KIF21A: variants seen among roughly 807,000 people sequenced by gnomAD.
KIF21A encodes the protein kinesin family member 21A, also known as kinesin-like protein KIF21A.
A neutral mutation model predicts 202.9 loss-of-function variants in KIF21A; 114 were observed. The ratio of observed to expected loss-of-function variants is 0.56; its 90% CI spans 0.48 to 0.66. KIF21A has a LOEUF of 0.66. KIF21A is among the 30% of genes least tolerant of loss of function. KIF21A has a pLI of 0.00. For synonymous variants in KIF21A, 667 were observed against 670.8 expected (o/e 0.99, Z 0.09); for missense variants, 1,677 against 1,994.9 (o/e 0.84, Z 3.04).
rs142940823 is a variant in KIF21A, at chr12:39,301,746, T to C, written c.4732-67A>G. The C allele has an allele frequency of 1.1e-4, 145 of 1,366,052 alleles. No individual in the cohort carries two copies. In the East Asian group the frequency reaches 3.3e-3, roughly 31 times the overall value. 84.6% of individuals were successfully genotyped at this position (1,366,052 alleles called of 1,614,324 possible). ...CCAAACTGACATTTTCACATGAAAA[T>C]AAACTGAAAAACATTTTATTGCCAA... is the stretch of plus-strand genomic sequence containing the variant. On this transcript the variant is annotated intron_variant, in intron 36 of 37. Transcript: ENST00000361418.
intron 24 of KIF21A, among the ~76,000 whole-genome samples, 189 bp from the exon 25 acceptor site, chr12:39,326,513 A>T (rs2137922829): frequency 6.6e-6 from 1 of 152,352 alleles, no homozygotes; most frequent in East Asian, 1.9e-4. Context: ...TGTGTGTTCT[A>T]GAATGAGTAA....
intron 1 of KIF21A, among the ~76,000 whole-genome samples, chr12:39,401,706 G>A (rs982104731): frequency 6.6e-6 from 1 of 152,140 alleles, no homozygotes; most frequent in African/African-American, 2.4e-5. Context: ...ATGTCTTCAT[G>A]AGAAGTGTTT....
chr12:39,298,487 T>C (rs1942636052), intron 37 of KIF21A, among the ~76,000 whole-genome samples: 2 of 152,026 alleles, frequency 1.3e-5, no homozygotes, highest in South Asian at 4.1e-4. Flanking sequence ...AGTAGAGAGA[T>C]ACCACTGAAC....
At chr12:39,392,875 T>A (rs1951472034) in intron 1 of KIF21A, among the ~76,000 whole-genome samples, 1 of 138,068 alleles carries the variant, frequency 7.2e-6, no homozygotes, top group Non-Finnish European at 1.6e-5. Context: ...AAAAGAAATT[T>A]TAAAAGAAAA....
intron 1 of KIF21A, among the ~76,000 whole-genome samples, chr12:39,437,848 C>T (rs921073617): frequency 6.6e-6 from 1 of 152,150 alleles, no homozygotes; most frequent in African/African-American, 2.4e-5. Context: ...ACCAAATAAC[C>T]ATCTATTTCC....
At chr12:39,328,108 T>A (rs2137983446) in intron 24 of KIF21A, among the ~76,000 whole-genome samples, 1 of 152,300 alleles carries the variant, frequency 6.6e-6, no homozygotes. Context: ...AAAACTGGAC[T>A]TTGGCTGACA....
chr12:39,370,076 A>T lies in KIF21A; in HGVS notation c.230T>A (p.Phe77Tyr). ...AAAAACTGTAGCATTGTATCCTTCA[A>T]AGCAACCTTCAATTAGTTTTTCTAT... ...QCIEKLIEGC[F>Y]EGYNATVFAY... Residue 77 changes from phenylalanine to tyrosine, a missense_variant, in exon 2 of 38, where the codon TTT becomes TAT. By Grantham distance (22) the Phe-to-Tyr change is conservative. This residue lies in a region of KIF21A where 966 missense variants were observed against 1,180.9 expected (regional missense o/e 0.82). Coordinates refer to ENST00000361418, the MANE Select transcript of KIF21A (RefSeq NM_001173464.2). 1.2e-6 allele frequency: 2 copies of T among 1,613,896 alleles called. No individual in the cohort carries two copies. The highest frequency in any genetic ancestry group is 1.7e-6 in the Non-Finnish European group (2 of 1,179,864).
intron 1 of KIF21A, among the ~76,000 whole-genome samples, chr12:39,416,822 T>C (rs1953778329): frequency 7.0e-6 from 1 of 142,970 alleles, no homozygotes; most frequent in Non-Finnish European, 1.5e-5. Flanking sequence ...TGTGTATATA[T>C]GTACATATAT....
chr12:39,341,701 G>A lies in KIF21A; in HGVS notation c.1804-79C>T, dbSNP rs551495944. The A allele has an allele frequency of 3.7e-5, 53 of 1,430,480 alleles. No homozygotes were observed. In the African/African-American group the frequency reaches 6.4e-4, roughly 17 times the overall value. The allele number at this position is 1,430,480 out of a possible 1,614,324, so 88.6% of individuals were successfully genotyped here. Reference sequence around the variant, plus strand: ...TCCCTCATTGAGAGAGGCTGCTGGAGTACAAAGTACGGAAACATAAAAAAA... The same window carrying A: ...TCCCTCATTGAGAGAGGCTGCTGGAATACAAAGTACGGAAACATAAAAAAA... On this transcript the variant is annotated intron_variant, in intron 13 of 37. Coordinates refer to ENST00000361418, the MANE Select transcript of KIF21A (RefSeq NM_001173464.2).
intron 33 of KIF21A, among the ~76,000 whole-genome samples, chr12:39,308,964 C>T (rs756676986): frequency 6.6e-5 from 10 of 152,066 alleles, no homozygotes; most frequent in Non-Finnish European, 1.0e-4. Context: ...ACCGAGTTTA[C>T]GTCAATTTTG....
intron 1 of KIF21A, among the ~76,000 whole-genome samples, chr12:39,433,436 A>G (rs1486267051): frequency 6.6e-6 from 1 of 152,168 alleles, no homozygotes; most frequent in Non-Finnish European, 1.5e-5. Context: ...TACTCAGTTT[A>G]CCCCTTACAG....
At chr12:39,295,741 C>T (rs1005400560) in intron 37 of KIF21A, among the ~76,000 whole-genome samples, 2 of 134,874 alleles carry the variant, frequency 1.5e-5, no homozygotes, top group African/African-American at 5.7e-5. Context: ...GCTCTGTTGC[C>T]AGGCTGGAAT....
At chr12:39,325,351 A>T (rs1231585532) in intron 26 of KIF21A, among the ~76,000 whole-genome samples, 2 of 133,418 alleles carry the variant, frequency 1.5e-5, no homozygotes, top group East Asian at 4.5e-4. Flanking sequence ...TTTTTTTTTG[A>T]GACGGAGTCT....
Position 39,369,785 on chromosome 12 carries a change from C to T in KIF21A, c.394G>A (p.Ala132Thr). The T allele has an allele frequency of 1.2e-6, 2 of 1,613,120 alleles. No homozygotes were observed. Among genetic ancestry groups the T allele is most frequent in the East Asian group, 2.2e-5 (1 of 44,780 alleles). ...GGAGCAGGAAGCCCATTTTTAATTG[C>T]TATGTGTTTTTTTTCTTCAATACTC... is the stretch of plus-strand genomic sequence containing the variant. ...FKSIEEKKHI[A>T]IKNGLPAPDF... Residue 132 changes from alanine (A) to threonine (T), a missense_variant, in exon 3 of 38, where the codon GCA becomes ACA. Ala to Thr is a moderately conservative substitution (Grantham distance 58, BLOSUM62 0). Coordinates refer to ENST00000361418, the MANE Select transcript of KIF21A (RefSeq NM_001173464.2).
intron 32 of KIF21A, 109 bp downstream of exon 32, chr12:39,311,308 C>A: frequency 1.0e-6 from 1 of 997,740 alleles, no homozygotes; most frequent in Non-Finnish European, 1.5e-6. Context: ...CCAGATTATC[C>A]GATTCTTTCT....
chr12:39,404,252 C>T (rs539152242), intron 1 of KIF21A, among the ~76,000 whole-genome samples: 1 of 152,230 alleles, frequency 6.6e-6, no homozygotes, highest in Admixed American at 6.5e-5. Context: ...GCATGCGTTG[C>T]CATGCCTAGG....
At position 39,331,726 on chromosome 12, in the gene KIF21A, G is replaced by C; in HGVS notation, c.3117C>G (p.Tyr1039Ter). 1 of 1,613,340 alleles carries C rather than the reference G, an allele frequency of 6.2e-7. No individual in the cohort carries two copies. The highest frequency in any genetic ancestry group is 8.5e-7 in the Non-Finnish European group (1 of 1,179,350). Residue 1039 changes from tyrosine to a stop codon, truncating the protein, a stop_gained, in exon 22 of 38, where the codon TAC becomes TAG. Transcript: ENST00000361418. LOFTEE classifies it high-confidence loss of function. ...INACTLTEARYLLDHFLSMGI... is the reference protein window; with the variant it reads ...INACTLTEAR ...CCATTGACAGGAAGTGATCTAGCAG[G>C]TATCGGGCTTCTGTAAGGGTGCAGG...
intron 7 of KIF21A, among the ~76,000 whole-genome samples, chr12:39,360,395 T>C (rs1949119006): frequency 6.7e-6 from 1 of 148,552 alleles, no homozygotes; most frequent in Non-Finnish European, 1.5e-5. Flanking sequence ...GAAATATGAT[T>C]TTTTTTTTTT....
intron 1 of KIF21A, among the ~76,000 whole-genome samples, chr12:39,431,982 T>A (rs1204290302): frequency 6.6e-6 from 1 of 152,216 alleles, no homozygotes; most frequent in Admixed American, 6.5e-5. Flanking sequence ...TAACCAGGAA[T>A]GAAATCTGCA....
Sources: allele counts gnomAD v4.1 joint callset (sites outside exome capture counted in the v4.1 genomes callset), GRCh38; gene constraint gnomAD v4.1.1; regional missense constraint gnomAD v4.1.1; transcripts MANE v1.5; gene names NCBI Gene and HGNC (gene_info 2026-07-23, HGNC 2026-07-21).